The following TBC1D5 variants were observed in gnomAD, a reference collection of about 807,000 sequenced individuals.
TBC1D5 encodes TBC1 domain family, member 5.
Under a neutral mutation model 100.3 loss-of-function variants are expected in TBC1D5, and 75 were observed. That is an observed-to-expected ratio of 0.75 (90% CI 0.62 to 0.91). The LOEUF is 0.91. Among genes scored for constraint, TBC1D5 ranks in the 40% least tolerant of loss-of-function variants. The probability of loss-of-function intolerance (pLI) is 0.00; values close to 1 mark genes in which losing one functional copy is unlikely to be tolerated. For synonymous variants in TBC1D5, 323 were observed against 325.6 expected (o/e 0.99, Z 0.09); for missense variants, 910 against 942.4 (o/e 0.97, Z 0.45).
intron 9 of TBC1D5, 24 bp from the exon 10 acceptor site, chr3:17,376,637 T>C (rs761464038): frequency 5.6e-6 from 9 of 1,599,204 alleles, no homozygotes; most frequent in Non-Finnish European, 7.7e-6. Flanking sequence ...GCCAGAAAAA[T>C]GAAAGAGATG....
intron 4 of TBC1D5, among the ~76,000 whole-genome samples, chr3:17,410,886 T>A (rs967425435): frequency 6.6e-6 from 1 of 152,140 alleles, no homozygotes; most frequent in Non-Finnish European, 1.5e-5. Flanking sequence ...TAAAATGATA[T>A]CAAAGAATTT....
At chr3:17,675,925 T>A (rs2068564803) in intron 1 of TBC1D5, among the ~76,000 whole-genome samples, 1 of 152,170 alleles carries the variant, frequency 6.6e-6, no homozygotes, top group Admixed American at 6.5e-5. Flanking sequence ...TACTATATGA[T>A]ATTGTTATAC....
chr3:17,466,197 A>G (rs916081770), intron 3 of TBC1D5, among the ~76,000 whole-genome samples: 1 of 152,204 alleles, frequency 6.6e-6, no homozygotes, highest in African/African-American at 2.4e-5. Flanking sequence ...ACATCCCAGT[A>G]AGAATATAAG....
intron 3 of TBC1D5, among the ~76,000 whole-genome samples, chr3:17,489,119 C>A (rs1290380381): frequency 6.6e-6 from 1 of 151,670 alleles, no homozygotes; most frequent in African/African-American, 2.4e-5. Context: ...TTAAAATTAA[C>A]CATAAAATTT....
chr3:17,189,509 A>G (rs1575831249), intron 18 of TBC1D5, among the ~76,000 whole-genome samples: 1 of 152,236 alleles, frequency 6.6e-6, no homozygotes, highest in East Asian at 1.9e-4. Flanking sequence ...AGAGAAAAAT[A>G]ACTAGCATCA....
rs1577699778 is a variant in TBC1D5 at position 17,710,694 on chromosome 3, T to C, written c.-101+28649A>G. 2.0e-5 allele frequency among the ~76,000 whole-genome samples: 3 copies of C among 151,818 alleles called. No homozygotes were observed. The East Asian group carries it at 5.8e-4, about 29-fold the overall frequency. On this transcript the variant is annotated intron_variant, in intron 1 of 21. Transcript: ENST00000253692. Reference sequence around the variant, plus strand: ...TTTTCATTTATTTTATTTATTTATTTACTTATTTATTTATTTATTTTGAGA... The same window carrying C: ...TTTTCATTTATTTTATTTATTTATTCACTTATTTATTTATTTATTTTGAGA...
intron 2 of TBC1D5, among the ~76,000 whole-genome samples, chr3:17,606,690 A>G (rs921221388): frequency 2.0e-5 from 3 of 152,182 alleles, no homozygotes; most frequent in Non-Finnish European, 1.5e-5. Context: ...ATTTTATAAT[A>G]TTAAACCTTT....
At chr3:17,185,231 T>C (rs1357465645) in intron 18 of TBC1D5, 23 bp from the exon 20 acceptor site, 7 of 1,596,850 alleles carry the variant, frequency 4.4e-6, no homozygotes, top group East Asian at 2.2e-5. Flanking sequence ...GATAAACATA[T>C]GGAAATTTTT....
intron 1 of TBC1D5, among the ~76,000 whole-genome samples, chr3:17,689,683 T>C (rs577991299): frequency 6.6e-6 from 1 of 152,276 alleles, no homozygotes; most frequent in Non-Finnish European, 1.5e-5. Flanking sequence ...TGCCTCTGTG[T>C]CTCAGATCAA....
intron 13 of TBC1D5, among the ~76,000 whole-genome samples, chr3:17,368,759 GTTTT>G (rs2092312474): frequency 6.7e-6 from 1 of 150,186 alleles, no homozygotes; most frequent in Non-Finnish European, 1.5e-5. Flanking sequence ...AAAAAAATTT[GTTTT>G]GTTTGAAAAT....
At chr3:17,389,073 T>G (rs1010575863) in intron 8 of TBC1D5, among the ~76,000 whole-genome samples, 27 of 152,302 alleles carry the variant, frequency 1.8e-4, no homozygotes, top group African/African-American at 6.5e-4. Context: ...ATTCCTTTAA[T>G]CTATAGACTT....
chr3:17,697,935 C>T (rs2072414186), intron 1 of TBC1D5, among the ~76,000 whole-genome samples: 1 of 141,182 alleles, frequency 7.1e-6, no homozygotes, highest in Non-Finnish European at 1.5e-5. Context: ...AGAACAGAGG[C>T]CTCAGAAAGA....
At chr3:17,376,486 TA>T (rs1474371984) in intron 10 of TBC1D5, 38 bp downstream of exon 10, 4 of 1,560,510 alleles carry the variant, frequency 2.6e-6, no homozygotes, top group Non-Finnish European at 3.5e-6. Context: ...CCGTGGGGGC[TA>T]AAAAACAAAT....
At chr3:17,360,870 T>C (rs1356051910) in intron 13 of TBC1D5, among the ~76,000 whole-genome samples, 1 of 151,978 alleles carries the variant, frequency 6.6e-6, no homozygotes, top group Non-Finnish European at 1.5e-5. Flanking sequence ...TATGACATCA[T>C]TTGTTTTTTG....
intron 14 of TBC1D5, among the ~76,000 whole-genome samples, chr3:17,292,759 G>C (rs1034119614): frequency 1.3e-5 from 2 of 152,208 alleles, no homozygotes; most frequent in East Asian, 3.9e-4. Flanking sequence ...AACAATGCTT[G>C]CTTTATGAAC....
intron 13 of TBC1D5, among the ~76,000 whole-genome samples, chr3:17,326,988 C>T (rs79260627): frequency 2.0e-5 from 3 of 152,188 alleles, no homozygotes; most frequent in Admixed American, 2.0e-4. Flanking sequence ...CATTCAGAAT[C>T]TAACCACCTT....
At chr3:17,392,698 C>T (rs775524079) in intron 8 of TBC1D5, among the ~76,000 whole-genome samples, 33 of 152,076 alleles carry the variant, frequency 2.2e-4, no homozygotes, top group Non-Finnish European at 4.4e-4. Context: ...ATGAACTCAT[C>T]CTTTTTTATG....
In TBC1D5 at chr3:17,377,994, A is replaced by C. The variant is rs530937915; in HGVS notation, c.613-1381T>G. On this transcript the variant is annotated intron_variant, in intron 9 of 21. Transcript: ENST00000253692. ...TAAGCATTACTAACTCTGCTTTAAA[A>C]ATCATGAAGGGTTTACTCTCTTGGA... 3.4e-3 allele frequency among the ~76,000 whole-genome samples: 524 copies of C among 151,946 alleles called. 4 individuals are homozygous for C. Among genetic ancestry groups the C allele is most frequent in the African/African-American group, 0.012 (496 of 41,534 alleles).
chr3:17,554,732 A>T (rs377272039), intron 2 of TBC1D5, among the ~76,000 whole-genome samples: 4 of 152,238 alleles, frequency 2.6e-5, no homozygotes, highest in Non-Finnish European at 4.4e-5. Context: ...TTGGATACTA[A>T]AAACCACATC....
Sources: allele counts gnomAD v4.1 joint callset (sites outside exome capture counted in the v4.1 genomes callset), GRCh38; gene constraint gnomAD v4.1.1; transcripts MANE v1.5; gene names NCBI Gene and HGNC (gene_info 2026-07-23, HGNC 2026-07-21).